The following ASH1L variants were observed in gnomAD, a reference collection of about 807,000 sequenced individuals.
ASH1L encodes the protein histone-lysine N-methyltransferase ASH1L.
Under a neutral mutation model 269.0 loss-of-function variants are expected in ASH1L, and 23 were observed. That is an observed-to-expected ratio of 0.09 (90% CI 0.06 to 0.12). The LOEUF (loss-of-function observed/expected upper bound fraction) is 0.12. ASH1L is among the 10% of genes least tolerant of loss of function. The probability of loss-of-function intolerance (pLI) is 1.00; values close to 1 mark genes in which losing one functional copy is unlikely to be tolerated. For synonymous variants in ASH1L, 1,187 were observed against 1,253.5 expected (o/e 0.95, Z 1.12); for missense variants, 2,912 against 3,567.8 (o/e 0.82, Z 4.68).
At chr1:155,435,353 A>C (rs1373085783) in intron 5 of ASH1L, among the ~76,000 whole-genome samples, 2 of 152,202 alleles carry the variant, frequency 1.3e-5, no homozygotes, top group Non-Finnish European at 2.9e-5. Context: ...GTGTAATTAC[A>C]TAAATTATGA....
At chr1:155,425,718 G>A (rs936028085) in intron 5 of ASH1L, among the ~76,000 whole-genome samples, 8 of 152,052 alleles carry the variant, frequency 5.3e-5, no homozygotes, top group Non-Finnish European at 1.2e-4. Flanking sequence ...ACAGGCGTGA[G>A]CCACCACACC....
intron 1 of ASH1L, among the ~76,000 whole-genome samples, chr1:155,558,926 C>T (rs1366520296): frequency 6.7e-6 from 1 of 149,726 alleles, no homozygotes. Flanking sequence ...CTCACTGCAA[C>T]CTCCACTTCA....
At chr1:155,506,378 A>G (rs1214071514) in intron 2 of ASH1L, among the ~76,000 whole-genome samples, 1 of 152,184 alleles carries the variant, frequency 6.6e-6, no homozygotes, top group Non-Finnish European at 1.5e-5. Flanking sequence ...CTAAGGCACT[A>G]TTATTATCCA....
intron 5 of ASH1L, among the ~76,000 whole-genome samples, chr1:155,435,991 C>T (rs1662054082): frequency 2.6e-5 from 4 of 152,222 alleles, no homozygotes; most frequent in Admixed American, 2.6e-4. Context: ...GTGGAGGGTG[C>T]AGTGAGTGGA....
chr1:155,545,633 A>C (rs1162666835), intron 1 of ASH1L, among the ~76,000 whole-genome samples: 1 of 151,900 alleles, frequency 6.6e-6, no homozygotes, highest in African/African-American at 2.4e-5. Context: ...AGGAAAAAAA[A>C]AAAGGAAAAA....
At chr1:155,379,441 A>G (rs1656749165) in intron 8 of ASH1L, among the ~76,000 whole-genome samples, 2 of 152,136 alleles carry the variant, frequency 1.3e-5, no homozygotes. Flanking sequence ...GACTATTTCT[A>G]TTTCCCAATG....
intron 12 of ASH1L, among the ~76,000 whole-genome samples, chr1:155,363,202 C>T (rs112697020): frequency 6.6e-5 from 10 of 152,236 alleles, no homozygotes; most frequent in African/African-American, 2.4e-4. Flanking sequence ...AGGCTGGTCT[C>T]GAACTCCTGA....
At chr1:155,358,449 G>A (rs1654615626) in intron 13 of ASH1L, among the ~76,000 whole-genome samples, 1 of 152,014 alleles carries the variant, frequency 6.6e-6, no homozygotes, top group Non-Finnish European at 1.5e-5. Flanking sequence ...ACTTTGGGAG[G>A]CCAAGGCGGG....
chr1:155,369,690 A>AAT (rs1655763561), intron 12 of ASH1L, among the ~76,000 whole-genome samples: 1 of 152,188 alleles, frequency 6.6e-6, no homozygotes, highest in Non-Finnish European at 1.5e-5. Flanking sequence ...AGCATGCAGT[A>AAT]GAGTGGCTGA....
intron 4 of ASH1L, among the ~76,000 whole-genome samples, chr1:155,448,871 G>C (rs1663237885): frequency 6.6e-6 from 1 of 151,840 alleles, no homozygotes; most frequent in Non-Finnish European, 1.5e-5. Context: ...GACTTAGATA[G>C]ATCTTTGGTG....
chr1:155,344,099 A>G, intron 22 of ASH1L, 84 bp downstream of exon 22: 2 of 1,228,764 alleles, frequency 1.6e-6, no homozygotes, highest in Non-Finnish European at 2.4e-6. Flanking sequence ...GTATGGAGAC[A>G]ATGACTATGA....
chr1:155,517,311 TG>T (rs748037742), intron 2 of ASH1L, among the ~76,000 whole-genome samples: 1 of 151,974 alleles, frequency 6.6e-6, no homozygotes, highest in South Asian at 2.1e-4. Context: ...GTAGCCTGGA[TG>T]ACGGAGCAAG....
chr1:155,379,306 T>C lies in ASH1L; in HGVS notation c.6177+737A>G, dbSNP rs1255803887. ...AGACAAATACCTAACATATTAATAC[T>C]CTCAGAATTCAAGAGAGGCCATTGG... is the stretch of plus-strand genomic sequence containing the variant. On this transcript the variant is annotated intron_variant, in intron 8 of 27. Coordinates refer to ENST00000392403, the MANE Select transcript of ASH1L (RefSeq NM_018489.3). Among the ~76,000 whole-genome samples, 3 of 152,136 alleles carry C rather than the reference T, an allele frequency of 2.0e-5. No homozygotes were observed. The East Asian group carries it at 5.8e-4, about 29-fold the overall frequency.
intron 5 of ASH1L, among the ~76,000 whole-genome samples, chr1:155,438,046 C>T (rs1662239177): frequency 1.3e-5 from 2 of 152,082 alleles, no homozygotes; most frequent in Non-Finnish European, 2.9e-5. Flanking sequence ...AAAGGGTTTA[C>T]CATGTTGGCC....
intron 10 of ASH1L, 25 bp from the exon 11 acceptor site, chr1:155,371,008 C>T (rs368361179): frequency 6.2e-7 from 1 of 1,607,228 alleles, no homozygotes; most frequent in Non-Finnish European, 8.5e-7. Flanking sequence ...AATAACTGTA[C>T]ATCAACTTAC....
chr1:155,502,613 T>C (rs1422286737), intron 2 of ASH1L, among the ~76,000 whole-genome samples: 3 of 152,282 alleles, frequency 2.0e-5, no homozygotes, highest in Middle Eastern at 3.4e-3. Flanking sequence ...TTAATAATTA[T>C]TATACAATGT....
At chr1:155,373,382 G>C (rs1254291786) in intron 10 of ASH1L, among the ~76,000 whole-genome samples, 3 of 151,996 alleles carry the variant, frequency 2.0e-5, no homozygotes, top group Middle Eastern at 3.4e-3. Flanking sequence ...TGACCACCTG[G>C]GCTCAAGCAA....
Position 155,346,419 on chromosome 1 carries a change from G to A in ASH1L, c.7854C>T (p.Tyr2618=). 1 of 1,614,040 alleles carries A rather than the reference G, an allele frequency of 6.2e-7. No individual in the cohort carries two copies. The highest frequency in any genetic ancestry group is 8.5e-7 in the Non-Finnish European group (1 of 1,179,964). Residue 2618 remains tyrosine, a synonymous_variant, in exon 21 of 28, where the codon TAC becomes TAT. Transcript: ENST00000392403. ...GCCTTGGGTCACACTGCTCACAAAG[G>A]TAGTGCTCCACATCTGAGTTCACTC... is the stretch of plus-strand genomic sequence containing the variant. ...CMGVNSDVEH[Y]LCEQCDPRPV...
At position 155,480,433 on chromosome 1, in the gene ASH1L, T is replaced by C; in HGVS notation, c.2437A>G (p.Met813Val). ...GACAAAAGGTCACTAGAGACACACA[T>C]ACTGGAGGATAGTTTGTGAGTAGCA... ...SFATHKLSSSMCVSSDLLSDI... is the reference protein window; with the variant it reads ...SFATHKLSSSVCVSSDLLSDI... Residue 813 changes from methionine to valine, a missense_variant, in exon 3 of 28, where the codon ATG becomes GTG. Around this residue, in one of 13 missense-constraint regions of ASH1L, gnomAD observed 715 missense variants for 721.0 expected, o/e 0.99. Transcript: ENST00000392403. 2.5e-6 allele frequency: 4 copies of C among 1,614,084 alleles called. No homozygotes were observed. The highest frequency in any genetic ancestry group is 3.4e-6 in the Non-Finnish European group (4 of 1,179,950).
Sources: allele counts gnomAD v4.1 joint callset (sites outside exome capture counted in the v4.1 genomes callset), GRCh38; gene constraint gnomAD v4.1.1; regional missense constraint gnomAD v4.1.1; transcripts MANE v1.5; gene names NCBI Gene and HGNC (gene_info 2026-07-23, HGNC 2026-07-21).